MEOX2: variants seen among roughly 807,000 people sequenced by gnomAD.
MEOX2 encodes mesenchyme homeobox 2, also known as homeobox protein MOX-2.
Under a neutral mutation model 27.0 loss-of-function variants are expected in MEOX2, and 11 were observed. The observed-to-expected ratio is 0.41, with a 90% CI of 0.26 to 0.68. The LOEUF (loss-of-function observed/expected upper bound fraction) is 0.68. Among genes scored for constraint, MEOX2 ranks in the 30% least tolerant of loss-of-function variants. The pLI, the probability that MEOX2 is intolerant of heterozygous loss-of-function variation, is 0.33. For synonymous variants in MEOX2, 189 were observed against 155.4 expected, an observed-to-expected ratio of 1.22 and a Z score of -1.61; for missense variants, 436 against 385.4, an observed-to-expected ratio of 1.13 and a Z score of -1.10.
intron 2 of MEOX2, among the ~76,000 whole-genome samples, chr7:15,614,934 A>G (rs935467831): frequency 1.3e-5 from 2 of 152,164 alleles, no homozygotes; most frequent in South Asian, 2.1e-4. Context: ...TTAAACTGAG[A>G]TATTTCTCTA....
chr7:15,648,042 G>A (rs1313192558), intron 1 of MEOX2, among the ~76,000 whole-genome samples: 3 of 152,016 alleles, frequency 2.0e-5, no homozygotes, highest in Admixed American at 6.6e-5. Context: ...ATATTAAGAT[G>A]TTGATACTAT....
intron 2 of MEOX2, among the ~76,000 whole-genome samples, chr7:15,624,912 G>C (rs143426314): frequency 6.6e-6 from 1 of 152,148 alleles, no homozygotes; most frequent in African/African-American, 2.4e-5. Flanking sequence ...CCTGAAGTCA[G>C]TTAGAAAGAA....
At chr7:15,625,679 G>A (rs1234929122) in intron 2 of MEOX2, among the ~76,000 whole-genome samples, 2 of 152,070 alleles carry the variant, frequency 1.3e-5, no homozygotes, top group Non-Finnish European at 2.9e-5. Flanking sequence ...AATCATAACT[G>A]CACTGTCCAT....
intron 1 of MEOX2, among the ~76,000 whole-genome samples, chr7:15,664,263 C>A (rs1008808412): frequency 6.6e-6 from 1 of 152,202 alleles, no homozygotes; most frequent in Non-Finnish European, 1.5e-5. Flanking sequence ...CTCTTAACGT[C>A]TGTTTCTTCC....
chr7:15,653,096 C>T (rs13240689), intron 1 of MEOX2, among the ~76,000 whole-genome samples: 1,552 of 120,770 alleles, frequency 0.013, 21 homozygotes, highest in South Asian at 0.063. Context: ...TTCCCACTAG[C>T]GGTGGTGTCT....
chr7:15,628,607 T>A (rs1562598132), intron 1 of MEOX2, among the ~76,000 whole-genome samples: 1 of 152,126 alleles, frequency 6.6e-6, no homozygotes, highest in Non-Finnish European at 1.5e-5. Flanking sequence ...ATGCACAGGT[T>A]GATTGCACTT....
chr7:15,625,120 C>T (rs1029695881), intron 2 of MEOX2, among the ~76,000 whole-genome samples: 2 of 152,172 alleles, frequency 1.3e-5, no homozygotes, highest in African/African-American at 4.8e-5. Flanking sequence ...GGAAGCAAAT[C>T]CTAGTTTCCT....
chr7:15,659,085 G>T (rs1439751175), intron 1 of MEOX2, among the ~76,000 whole-genome samples: 3 of 152,112 alleles, frequency 2.0e-5, no homozygotes. Flanking sequence ...TTACAGCCTT[G>T]ATCTCCTGGG....
At chr7:15,675,031 A>C (rs957263525) in intron 1 of MEOX2, among the ~76,000 whole-genome samples, 4 of 152,002 alleles carry the variant, frequency 2.6e-5, no homozygotes, top group African/African-American at 9.7e-5. Context: ...ATCCAAACAC[A>C]AAAAAAGGCA....
chr7:15,659,389 A>C (rs1387584763), intron 1 of MEOX2, among the ~76,000 whole-genome samples: 1 of 152,200 alleles, frequency 6.6e-6, no homozygotes, highest in Non-Finnish European at 1.5e-5. Context: ...GTGTGTGCAT[A>C]TAAAATGAAA....
chr7:15,642,974 T>C lies in MEOX2; in HGVS notation c.518-16056A>G, dbSNP rs543510235. Among the ~76,000 whole-genome samples the C allele has an allele frequency of 1.2e-4, 19 of 152,322 alleles. No individual in the cohort carries two copies. The South Asian group carries it at 3.7e-3, about 30-fold the overall frequency. ...AGTGCTTGTGGTCAAACTCACTGTC[T>C]CCTACAAGGATAAAGTGTTGGAGGT... is the stretch of plus-strand genomic sequence containing the variant. On this transcript the variant is annotated intron_variant, in intron 1 of 2. Transcript: ENST00000262041.
intron 1 of MEOX2, among the ~76,000 whole-genome samples, chr7:15,632,834 T>C (rs928070693): frequency 3.9e-5 from 6 of 151,962 alleles, no homozygotes; most frequent in African/African-American, 1.4e-4. Context: ...GCTCTTGCTA[T>C]AGTCCAGAGA....
At chr7:15,670,300 G>A (rs557857630) in intron 1 of MEOX2, among the ~76,000 whole-genome samples, 35 of 152,326 alleles carry the variant, frequency 2.3e-4, no homozygotes, top group African/African-American at 7.9e-4. Context: ...ATAGATGCAA[G>A]AATTTATCCA....
chr7:15,676,853 G>A (rs1351268680), intron 1 of MEOX2, among the ~76,000 whole-genome samples: 1 of 147,484 alleles, frequency 6.8e-6, no homozygotes, highest in Admixed American at 6.7e-5. Context: ...ACAAAACTCG[G>A]TCTCAAAAAA....
At chr7:15,675,090 T>A (rs1782170827) in intron 1 of MEOX2, among the ~76,000 whole-genome samples, 1 of 152,158 alleles carries the variant, frequency 6.6e-6, no homozygotes, top group Admixed American at 6.5e-5. Context: ...TTGGATTAAA[T>A]GTTAAATTTT....
At chr7:15,619,845 A>T (rs922683261) in intron 2 of MEOX2, among the ~76,000 whole-genome samples, 3 of 151,956 alleles carry the variant, frequency 2.0e-5, no homozygotes, top group Non-Finnish European at 4.4e-5. Flanking sequence ...TTTATTAGGG[A>T]TGAGTTACTT....
chr7:15,622,005 C>G (rs1583742504), intron 2 of MEOX2, among the ~76,000 whole-genome samples: 2 of 152,054 alleles, frequency 1.3e-5, no homozygotes, highest in African/African-American at 4.8e-5. Context: ...GTAATCCCAG[C>G]TACCAGAGAG....
rs1451859813 is a variant in MEOX2, at chr7:15,611,730, A to G, written c.*657T>C. ...GATTGTCTCTGGGATGACAAAATGT[A>G]TAAAAAAGACAAGAAACTGGCTCTG... On this transcript the variant is annotated 3_prime_UTR_variant, in exon 3 of 3. Transcript: ENST00000262041. 6 of 153,242 alleles carry G rather than the reference A, an allele frequency of 3.9e-5. No homozygotes were observed. Among genetic ancestry groups the G allele is most frequent in the African/African-American group, 1.2e-4 (5 of 41,462 alleles). 9.5% of individuals were successfully genotyped at this position (153,242 alleles called of 1,614,324 possible).
intron 1 of MEOX2, among the ~76,000 whole-genome samples, chr7:15,639,788 T>C (rs1781532583): frequency 1.3e-5 from 2 of 152,150 alleles, no homozygotes; most frequent in Non-Finnish European, 2.9e-5. Context: ...TGTGGCTTTA[T>C]TTCTAGGCTC....
Sources: gnomAD v4.1 joint callset for allele counts (sites outside exome capture counted in the v4.1 genomes callset) on GRCh38, gnomAD v4.1.1 for gene constraint, MANE v1.5 for transcripts, NCBI Gene and HGNC (gene_info 2026-07-23, HGNC 2026-07-21) for gene names.